The following STK32B variants were observed in gnomAD, a reference collection of about 807,000 sequenced individuals.
STK32B encodes serine/threonine kinase 32B.
A neutral mutation model predicts 52.6 loss-of-function variants in STK32B; 43 were observed. The ratio of observed to expected loss-of-function variants is 0.82; its 90% CI spans 0.64 to 1.05. STK32B has a LOEUF of 1.05. Ranked by LOEUF, STK32B falls within the 50% of genes least tolerant of loss-of-function variation. STK32B has a pLI of 0.00. For synonymous variants in STK32B, 238 were observed against 204.3 expected (o/e 1.17, Z -1.41); for missense variants, 621 against 534.6 (o/e 1.16, Z -1.59).
At chr4:5,270,541 A>G (rs931843003) in intron 3 of STK32B, among the ~76,000 whole-genome samples, 1 of 152,122 alleles carries the variant, frequency 6.6e-6, no homozygotes, top group African/African-American at 2.4e-5. Context: ...CTTCAATCCA[A>G]TCAAGTTGAC....
At chr4:5,185,217 T>C (rs1720656185) in intron 3 of STK32B, among the ~76,000 whole-genome samples, 1 of 152,236 alleles carries the variant, frequency 6.6e-6, no homozygotes, top group South Asian at 2.1e-4. Context: ...ACTGTTAATC[T>C]GTTTTGTTTA....
intron 3 of STK32B, among the ~76,000 whole-genome samples, chr4:5,265,564 A>G (rs191467574): frequency 6.6e-6 from 1 of 152,358 alleles, no homozygotes; most frequent in Non-Finnish European, 1.5e-5. Context: ...GTAGAGAACT[A>G]CTAATGCAAA....
At chr4:5,474,076 T>C (rs535766792) in intron 11 of STK32B, among the ~76,000 whole-genome samples, 6 of 152,078 alleles carry the variant, frequency 3.9e-5, no homozygotes, top group East Asian at 3.9e-4. Context: ...ACCGCGCCAC[T>C]GCACTCCAGC....
chr4:5,021,020 A>G, the STK32B span, among the ~76,000 whole-genome samples: 1 of 152,068 alleles, frequency 6.6e-6, no homozygotes, highest in East Asian at 1.9e-4. Context: ...GAACAAAACA[A>G]CCAAAGATGC....
At chr4:5,317,078 TTATA>T (rs1180075285) in intron 3 of STK32B, among the ~76,000 whole-genome samples, 1 of 29,710 alleles carries the variant, frequency 3.4e-5, no homozygotes, top group Admixed American at 6.2e-4. Flanking sequence ...ATATTATATA[TTATA>T]TATATAATAT....
At chr4:5,257,159 C>G (rs80111271) in intron 3 of STK32B, among the ~76,000 whole-genome samples, 8,539 of 151,218 alleles carry the variant, frequency 0.056, 356 homozygotes, top group African/African-American at 0.12. Context: ...GAGCGGGCAA[C>G]TGAGTGAATG....
chr4:5,410,828 A>T (rs905499205), intron 5 of STK32B, among the ~76,000 whole-genome samples: 1 of 152,166 alleles, frequency 6.6e-6, no homozygotes, highest in Non-Finnish European at 1.5e-5. Context: ...GTTTATAAAT[A>T]ATAGAAGTTT....
At chr4:5,152,643 C>T (rs1054839449) in intron 2 of STK32B, among the ~76,000 whole-genome samples, 2 of 152,238 alleles carry the variant, frequency 1.3e-5, no homozygotes, top group Non-Finnish European at 2.9e-5. Context: ...AAAGCTAATG[C>T]GTGGATACGC....
chr4:5,287,154 G>T (rs1247790606), intron 3 of STK32B, among the ~76,000 whole-genome samples: 1 of 152,142 alleles, frequency 6.6e-6, no homozygotes, highest in Non-Finnish European at 1.5e-5. Context: ...CTCTGGGCAT[G>T]TATATGTTCA....
chr4:5,326,809 A>G (rs1731907887), intron 3 of STK32B, among the ~76,000 whole-genome samples: 1 of 152,320 alleles, frequency 6.6e-6, no homozygotes, highest in Non-Finnish European at 1.5e-5. Flanking sequence ...TAAAATAAGA[A>G]AACAATGAAG....
intron 4 of STK32B, among the ~76,000 whole-genome samples, chr4:5,341,390 A>C (rs1000062809): frequency 1.3e-5 from 2 of 152,310 alleles, no homozygotes; most frequent in East Asian, 1.9e-4. Flanking sequence ...CACATCCGCT[A>C]ATTATTCATG....
chr4:5,163,499 C>A (rs951835234), intron 2 of STK32B, among the ~76,000 whole-genome samples: 33 of 150,746 alleles, frequency 2.2e-4, no homozygotes, highest in Non-Finnish European at 3.7e-4. Context: ...TAGAGAAACT[C>A]TTCAAAGAAA....
chr4:5,263,224 A>C (rs1265016252), intron 3 of STK32B, among the ~76,000 whole-genome samples: 2 of 133,522 alleles, frequency 1.5e-5, no homozygotes, highest in African/African-American at 3.0e-5. Flanking sequence ...CACGTGTATC[A>C]ATGCAGTCCC....
chr4:5,134,395 C>T (rs1385068868), intron 1 of STK32B, among the ~76,000 whole-genome samples: 1 of 152,284 alleles, frequency 6.6e-6, no homozygotes, highest in Middle Eastern at 3.4e-3. Context: ...GCTTAGCCCC[C>T]TCTTGCTCCT....
At chr4:5,186,599 C>T (rs1236418744) in intron 3 of STK32B, among the ~76,000 whole-genome samples, 2 of 152,128 alleles carry the variant, frequency 1.3e-5, no homozygotes, top group Non-Finnish European at 2.9e-5. Context: ...ATTTCAAACA[C>T]CCACCATGCC....
intron 6 of STK32B, among the ~76,000 whole-genome samples, chr4:5,440,149 T>C (rs1435960345): frequency 6.6e-6 from 1 of 152,200 alleles, no homozygotes; most frequent in Non-Finnish European, 1.5e-5. Context: ...AGAAAGTCTT[T>C]GGTAGCTTGA....
intron 3 of STK32B, among the ~76,000 whole-genome samples, chr4:5,265,072 C>G (rs927403183): frequency 2.0e-5 from 3 of 152,164 alleles, no homozygotes; most frequent in Non-Finnish European, 4.4e-5. Flanking sequence ...AGATCTATTA[C>G]TGATCTCACA....
chr4:5,203,819 A>T (rs1304048878), intron 3 of STK32B, among the ~76,000 whole-genome samples: 1 of 152,114 alleles, frequency 6.6e-6, no homozygotes, highest in Non-Finnish European at 1.5e-5. Context: ...GCGATCACTT[A>T]AACCTACTTC....
chr4:5,322,895 A>G (rs1334630927), intron 3 of STK32B, among the ~76,000 whole-genome samples: 1 of 152,198 alleles, frequency 6.6e-6, no homozygotes, highest in Admixed American at 6.5e-5. Context: ...TGTTATCAGC[A>G]TGGCTGACCT....
Sources: gnomAD v4.1 joint callset for allele counts (sites outside exome capture counted in the v4.1 genomes callset) on GRCh38, gnomAD v4.1.1 for gene constraint, MANE v1.5 for transcripts, NCBI Gene and HGNC (gene_info 2026-07-23, HGNC 2026-07-21) for gene names.